The following ZFPM2 variants were observed in gnomAD, a reference collection of about 807,000 sequenced individuals.
ZFPM2 encodes zinc finger protein ZFPM2.
In ZFPM2, 20 loss-of-function variants were observed where a neutral mutation model predicts 98.6. The ratio of observed to expected loss-of-function variants is 0.20; its 90% CI spans 0.14 to 0.29. The LOEUF (loss-of-function observed/expected upper bound fraction) is 0.29. Ranked by LOEUF, ZFPM2 falls within the 10% of genes least tolerant of loss-of-function variation. ZFPM2 has a pLI of 1.00. For synonymous variants in ZFPM2, 518 were observed against 502.7 expected (o/e 1.03, Z -0.41); for missense variants, 1,310 against 1,388.6 (o/e 0.94, Z 0.90).
At chr8:105,423,845 G>A (rs1358010092) in intron 2 of ZFPM2, among the ~76,000 whole-genome samples, 1 of 152,114 alleles carries the variant, frequency 6.6e-6, no homozygotes, top group African/African-American at 2.4e-5. Flanking sequence ...TTTCAGAGTG[G>A]GATTGGCGTG....
chr8:105,495,370 A>G (rs543749065), intron 3 of ZFPM2, among the ~76,000 whole-genome samples: 334 of 152,352 alleles, frequency 2.2e-3, no homozygotes, highest in African/African-American at 7.7e-3. Context: ...CATTGTGCAC[A>G]TGTACCCTAG....
At chr8:105,440,351 A>G (rs1396976928) in intron 2 of ZFPM2, among the ~76,000 whole-genome samples, 1 of 152,148 alleles carries the variant, frequency 6.6e-6, no homozygotes, top group African/African-American at 2.4e-5. Context: ...TTGTTTTTAA[A>G]ATACATTTTT....
At chr8:105,589,966 C>T (rs1815806968) in intron 4 of ZFPM2, among the ~76,000 whole-genome samples, 1 of 152,194 alleles carries the variant, frequency 6.6e-6, no homozygotes, top group Admixed American at 6.5e-5. Flanking sequence ...CGTGATCTGC[C>T]TGCCTCAGCC....
chr8:105,804,376 G>A lies in ZFPM2; in HGVS notation c.*838G>A, dbSNP rs1244934680. ...CGAAACCCTAAACTCAATGCTGCAA[G>A]TATGAATTTAATTCATATATAAGAT... is the stretch of plus-strand genomic sequence containing the variant. On this transcript the variant is annotated 3_prime_UTR_variant, in exon 8 of 8. Transcript: ENST00000407775. 6.6e-6 allele frequency: 1 copy of A among 152,586 alleles called. No individual in the cohort carries two copies. Among genetic ancestry groups the A allele is most frequent in the Non-Finnish European group, 1.5e-5 (1 of 68,018 alleles). 9.5% of individuals were successfully genotyped at this position (152,586 alleles called of 1,614,324 possible).
chr8:105,347,127 C>G (rs1194871439), intron 1 of ZFPM2, among the ~76,000 whole-genome samples: 2 of 151,178 alleles, frequency 1.3e-5, no homozygotes, highest in South Asian at 2.1e-4. Flanking sequence ...TGATGTAACA[C>G]CCCCCACCCC....
At chr8:105,676,422 A>G (rs1180470997) in intron 5 of ZFPM2, among the ~76,000 whole-genome samples, 8 of 152,302 alleles carry the variant, frequency 5.3e-5, no homozygotes, top group African/African-American at 1.7e-4. Flanking sequence ...TGTCAATGAA[A>G]CTTTTTTCTT....
At chr8:105,696,240 G>T (rs1212692158) in intron 5 of ZFPM2, among the ~76,000 whole-genome samples, 11 of 152,158 alleles carry the variant, frequency 7.2e-5, no homozygotes, top group Non-Finnish European at 7.4e-5. Flanking sequence ...AATAGGTCTA[G>T]CTAAGGTCGT....
intron 3 of ZFPM2, among the ~76,000 whole-genome samples, chr8:105,519,888 C>T (rs117532254): frequency 1.3e-5 from 2 of 151,890 alleles, no homozygotes; most frequent in East Asian, 3.9e-4. Context: ...CTTGCAATTA[C>T]TATAGTTATG....
At chr8:105,361,307 T>A (rs1812856391) in intron 1 of ZFPM2, among the ~76,000 whole-genome samples, 1 of 148,612 alleles carries the variant, frequency 6.7e-6, no homozygotes, top group African/African-American at 2.5e-5. Flanking sequence ...CTTTGCCCAC[T>A]TTTTGATGGG....
At chr8:105,568,400 A>G (rs1276619689) in intron 4 of ZFPM2, among the ~76,000 whole-genome samples, 1 of 151,852 alleles carries the variant, frequency 6.6e-6, no homozygotes, top group African/African-American at 2.4e-5. Flanking sequence ...TCTTTTCTGC[A>G]TTTCTACCTC....
intron 4 of ZFPM2, among the ~76,000 whole-genome samples, chr8:105,617,031 A>G (rs1369725433): frequency 2.2e-4 from 15 of 68,652 alleles, no homozygotes; most frequent in African/African-American, 6.9e-4. Flanking sequence ...AAAAAAAAAA[A>G]AAAAAAAAAA....
chr8:105,343,274 G>A lies in ZFPM2; in HGVS notation c.40+24293G>A, dbSNP rs573659558. ...GGAAGTTGCATTCCAGAACCATTCT[G>A]CAATGTTCAACAATTGACAGGAGTC... is the stretch of plus-strand genomic sequence containing the variant. On this transcript the variant is annotated intron_variant, in intron 1 of 7. Transcript: ENST00000407775. Among the ~76,000 whole-genome samples the A allele has an allele frequency of 2.6e-5, 4 of 152,222 alleles. No individual in the cohort carries two copies. In the South Asian group the frequency reaches 8.3e-4, roughly 32 times the overall value.
intron 3 of ZFPM2, among the ~76,000 whole-genome samples, chr8:105,451,056 A>G (rs1455185124): frequency 1.3e-5 from 2 of 152,142 alleles, no homozygotes; most frequent in Non-Finnish European, 2.9e-5. Flanking sequence ...TTTATAAAGT[A>G]TACCAATTTA....
At chr8:105,728,218 C>A (rs1242868279) in intron 5 of ZFPM2, among the ~76,000 whole-genome samples, 1 of 151,478 alleles carries the variant, frequency 6.6e-6, no homozygotes, top group African/African-American at 2.4e-5. Flanking sequence ...AAAATATAGA[C>A]CCTATGATGG....
chr8:105,524,172 A>G (rs1814122187), intron 3 of ZFPM2, among the ~76,000 whole-genome samples: 1 of 152,182 alleles, frequency 6.6e-6, no homozygotes, highest in African/African-American at 2.4e-5. Context: ...TAACTATGTT[A>G]ATGCTGGAAA....
At chr8:105,738,224 A>T (rs533925925) in intron 5 of ZFPM2, among the ~76,000 whole-genome samples, 1 of 151,960 alleles carries the variant, frequency 6.6e-6, no homozygotes, top group South Asian at 2.1e-4. Flanking sequence ...CTATGCATCC[A>T]TTTGTTCTCA....
At chr8:105,742,668 A>G (rs1812246918) in intron 5 of ZFPM2, among the ~76,000 whole-genome samples, 1 of 151,950 alleles carries the variant, frequency 6.6e-6, no homozygotes, top group African/African-American at 2.4e-5. Context: ...GAGTTGGGCC[A>G]GTCACCTGAG....
At chr8:105,457,292 C>T (rs899631740) in intron 3 of ZFPM2, among the ~76,000 whole-genome samples, 2 of 152,148 alleles carry the variant, frequency 1.3e-5, no homozygotes, top group African/African-American at 4.8e-5. Flanking sequence ...TTGGAGCTTG[C>T]AACTTATTCA....
chr8:105,522,750 C>CAA (rs34364728), intron 3 of ZFPM2, among the ~76,000 whole-genome samples: 48 of 146,014 alleles, frequency 3.3e-4, no homozygotes, highest in East Asian at 2.4e-3. Context: ...CTCCATCTTT[C>CAA]AAAAAAAAAA....
Sources: gnomAD v4.1 joint callset for allele counts (sites outside exome capture counted in the v4.1 genomes callset) on GRCh38, gnomAD v4.1.1 for gene constraint, MANE v1.5 for transcripts, NCBI Gene and HGNC (gene_info 2026-07-23, HGNC 2026-07-21) for gene names.